The following SVOPL variants were observed in gnomAD, a reference collection of about 807,000 sequenced individuals.
SVOPL encodes the protein SVOP like, also known as putative transporter SVOPL.
In SVOPL, 60 loss-of-function variants were observed where a neutral mutation model predicts 61.0. The observed-to-expected ratio is 0.98, with a 90% CI of 0.80 to 1.22. The LOEUF (loss-of-function observed/expected upper bound fraction) is 1.22. Ranked by LOEUF, SVOPL falls within the 50% of genes most tolerant of loss-of-function variation. The probability of loss-of-function intolerance (pLI) is 0.00; values close to 1 mark genes in which losing one functional copy is unlikely to be tolerated. For synonymous variants in SVOPL, 279 were observed against 250.0 expected, an observed-to-expected ratio of 1.12 and a Z score of -1.09; for missense variants, 662 against 643.9, an observed-to-expected ratio of 1.03 and a Z score of -0.30.
At chr7:138,672,647 T>C (rs1324680345) in intron 3 of SVOPL, among the ~76,000 whole-genome samples, 3 of 137,958 alleles carry the variant, frequency 2.2e-5, no homozygotes, top group Non-Finnish European at 4.5e-5. Flanking sequence ...AAGTGTTTTT[T>C]TTTGTGTTTA....
intron 14 of SVOPL, among the ~76,000 whole-genome samples, chr7:138,599,898 A>G (rs1332295188): frequency 1.3e-5 from 2 of 152,118 alleles, no homozygotes; most frequent in African/African-American, 4.8e-5. Flanking sequence ...AAAAAAAAAA[A>G]AAAAAAGGAA....
At chr7:138,662,067 T>C (rs1442255507) in intron 5 of SVOPL, 1 of 985,322 alleles carries the variant, frequency 1.0e-6, no homozygotes, top group Non-Finnish European at 1.2e-6. Flanking sequence ...TCCTTTAGGT[T>C]GAGGTCTACA....
intron 7 of SVOPL, among the ~76,000 whole-genome samples, chr7:138,654,133 A>AAT (rs1351143094): frequency 8.4e-4 from 79 of 93,906 alleles, no homozygotes; most frequent in African/African-American, 3.9e-3. Flanking sequence ...ACTCCCTCAA[A>AAT]AAAAAAAAAA....
chr7:138,672,404 A>G lies in SVOPL; in HGVS notation c.175-287T>C, dbSNP rs115787727. On this transcript the variant is annotated intron_variant, in intron 3 of 15. Transcript: ENST00000674285. ...ACCAATGCAGTTGCATGGTAGCACT[A>G]GGAGGGAGCTGTGTGAAGGCCACTC... 2.5e-3 allele frequency among the ~76,000 whole-genome samples: 383 copies of G among 152,306 alleles called. 4 individuals are homozygous for G. Among genetic ancestry groups the G allele is most frequent in the African/African-American group, 8.9e-3 (371 of 41,564 alleles).
intron 4 of SVOPL, among the ~76,000 whole-genome samples, chr7:138,669,716 A>G (rs1802369099): frequency 6.6e-6 from 1 of 152,196 alleles, no homozygotes; most frequent in African/African-American, 2.4e-5. Context: ...GCCCACTGGC[A>G]TCCTCCACTG....
intron 5 of SVOPL, 38 bp from the exon 6 acceptor site, chr7:138,660,026 C>T: frequency 1.3e-6 from 2 of 1,549,112 alleles, no homozygotes; most frequent in Middle Eastern, 1.7e-4. Context: ...GGACCTGCCT[C>T]AATGCGGGGA....
intron 8 of SVOPL, among the ~76,000 whole-genome samples, chr7:138,648,719 C>T (rs1307475841): frequency 2.7e-5 from 4 of 150,576 alleles, no homozygotes; most frequent in East Asian, 3.9e-4. Context: ...GCACTCCAGC[C>T]GAGGTCGCGG....
chr7:138,688,505 AGTG>A (rs1563139302), intron 1 of SVOPL, among the ~76,000 whole-genome samples: 1 of 152,110 alleles, frequency 6.6e-6, no homozygotes, highest in African/African-American at 2.4e-5. Flanking sequence ...CCTGACCTCC[AGTG>A]GTCCACCTGC....
chr7:138,596,941 A>G (rs1798304494), intron 14 of SVOPL: 29 of 1,116,738 alleles, frequency 2.6e-5, no homozygotes, highest in Non-Finnish European at 3.2e-5. Flanking sequence ...CAGTCCTGAC[A>G]GCATGAAACA....
intron 3 of SVOPL, among the ~76,000 whole-genome samples, chr7:138,673,803 A>T (rs1802487499): frequency 6.6e-6 from 1 of 152,210 alleles, no homozygotes; most frequent in South Asian, 2.1e-4. Context: ...ATTCTGCTAT[A>T]GTAGCCTTAG....
chr7:138,640,752 G>A (rs1800742433), intron 9 of SVOPL, among the ~76,000 whole-genome samples: 1 of 152,102 alleles, frequency 6.6e-6, no homozygotes, highest in South Asian at 2.1e-4. Context: ...AATAGACACT[G>A]CAGACTACTA....
At chr7:138,649,187 T>TA in intron 7 of SVOPL, 50 bp from the exon 8 acceptor site, 1 of 1,426,530 alleles carries the variant, frequency 7.0e-7, no homozygotes, top group South Asian at 1.4e-5. Context: ...ATTATGACAA[T>TA]GAAAAAAAAA....
chr7:138,691,959 A>C (rs1418018782), intron 1 of SVOPL, among the ~76,000 whole-genome samples: 1 of 152,088 alleles, frequency 6.6e-6, no homozygotes, highest in Non-Finnish European at 1.5e-5. Flanking sequence ...CTGAGATTAC[A>C]AGCAGGCACC....
intron 1 of SVOPL, among the ~76,000 whole-genome samples, chr7:138,696,105 G>A (rs1803059668): frequency 6.6e-6 from 1 of 151,962 alleles, no homozygotes; most frequent in African/African-American, 2.4e-5. Flanking sequence ...TAGAAAGACT[G>A]TTTTCCTTCA....
chr7:138,626,591 C>T (rs1225798473), intron 12 of SVOPL, among the ~76,000 whole-genome samples: 1 of 152,056 alleles, frequency 6.6e-6, no homozygotes, highest in Non-Finnish European at 1.5e-5. Flanking sequence ...TGGGGTTTTG[C>T]CATGTTGTCC....
intron 9 of SVOPL, among the ~76,000 whole-genome samples, chr7:138,643,129 T>G (rs989697469): frequency 1.3e-5 from 2 of 151,902 alleles, no homozygotes; most frequent in East Asian, 3.9e-4. Context: ...TCCAGAAGAA[T>G]TGAAAGTGAG....
intron 14 of SVOPL, among the ~76,000 whole-genome samples, chr7:138,597,681 A>G (rs1798338158): frequency 7.9e-6 from 1 of 126,232 alleles, no homozygotes; most frequent in Admixed American, 8.7e-5. Context: ...TTACTGCTGG[A>G]AATCTTGGAA....
At chr7:138,648,713 T>TCCAAG (rs1801262419) in intron 8 of SVOPL, among the ~76,000 whole-genome samples, 1 of 149,058 alleles carries the variant, frequency 6.7e-6, no homozygotes, top group Non-Finnish European at 1.5e-5. Context: ...GCCACTGCAC[T>TCCAAG]CCAGCCGAGG....
At chr7:138,631,211 G>T (rs1180347067) in intron 9 of SVOPL, among the ~76,000 whole-genome samples, 2 of 152,066 alleles carry the variant, frequency 1.3e-5, no homozygotes, top group African/African-American at 4.8e-5. Context: ...TTTAATTTTT[G>T]TGGGGCACGT....
Sources: gnomAD v4.1 joint callset for allele counts (sites outside exome capture counted in the v4.1 genomes callset) on GRCh38, gnomAD v4.1.1 for gene constraint, MANE v1.5 for transcripts, NCBI Gene and HGNC (gene_info 2026-07-23, HGNC 2026-07-21) for gene names.